Variants in PLCB4 observed in about 807,000 individuals in gnomAD.
PLCB4 encodes 1-phosphatidylinositol 4,5-bisphosphate phosphodiesterase beta-4.
A neutral mutation model predicts 178.8 loss-of-function variants in PLCB4; 77 were observed. That is an observed-to-expected ratio of 0.43 (90% CI 0.36 to 0.52). The LOEUF (loss-of-function observed/expected upper bound fraction) is 0.52. Among genes scored for constraint, PLCB4 ranks in the 20% least tolerant of loss-of-function variants. The pLI, the probability that PLCB4 is intolerant of heterozygous loss-of-function variation, is 0.00. For missense variants in PLCB4, 1,024 were observed against 1,453.4 expected, an observed-to-expected ratio of 0.70 and a Z score of 4.80; for synonymous variants, 496 against 490.8, an observed-to-expected ratio of 1.01 and a Z score of -0.14.
chr20:9,256,076 A>G lies in PLCB4; in HGVS notation c.-16+38624A>G, dbSNP rs143961147. Reference sequence around the variant, plus strand: ...GGAGAAAGTCATCTCTATTATGGTCAAGCATTAAAGTTCTCGTATACATAT... The same window carrying G: ...GGAGAAAGTCATCTCTATTATGGTCGAGCATTAAAGTTCTCGTATACATAT... On this transcript the variant is annotated intron_variant, in intron 3 of 39. Transcript: ENST00000378473. Among the ~76,000 whole-genome samples the G allele has an allele frequency of 1.1e-3, 164 of 152,310 alleles. 1 individual carries two copies. Among genetic ancestry groups the G allele is most frequent in the African/African-American group, 3.6e-3 (151 of 41,552 alleles).
intron 3 of PLCB4, among the ~76,000 whole-genome samples, chr20:9,224,339 A>G (rs1568977901): frequency 6.6e-6 from 1 of 152,092 alleles, no homozygotes; most frequent in Non-Finnish European, 1.5e-5. Flanking sequence ...GCTGGACTGG[A>G]CAGTCCTTAA....
chr20:9,315,733 G>GACCA (rs2094891225), intron 4 of PLCB4, among the ~76,000 whole-genome samples: 1 of 152,052 alleles, frequency 6.6e-6, no homozygotes, highest in Non-Finnish European at 1.5e-5. Context: ...AGGAGTTCGA[G>GACCA]ACCAGCCTGG....
intron 29 of PLCB4, among the ~76,000 whole-genome samples, chr20:9,436,465 C>T (rs897759123): frequency 1.3e-5 from 2 of 152,228 alleles, no homozygotes; most frequent in Non-Finnish European, 2.9e-5. Context: ...CATCCTTCCA[C>T]CTCAGCCTCC....
At chr20:9,438,604 A>G (rs1391300777) in intron 30 of PLCB4, among the ~76,000 whole-genome samples, 2 of 152,158 alleles carry the variant, frequency 1.3e-5, no homozygotes, top group East Asian at 1.9e-4. Context: ...ATATGCAATT[A>G]CCAAATCTAT....
At chr20:9,456,740 C>G (rs546538673) in intron 33 of PLCB4, among the ~76,000 whole-genome samples, 24 of 152,288 alleles carry the variant, frequency 1.6e-4, no homozygotes, top group Middle Eastern at 3.4e-3. Flanking sequence ...TAATGCTTCT[C>G]TCACAGGAAC....
At chr20:9,422,692 G>GT (rs1194445749) in intron 27 of PLCB4, among the ~76,000 whole-genome samples, 2 of 152,080 alleles carry the variant, frequency 1.3e-5, no homozygotes, top group East Asian at 1.9e-4. Context: ...AAGTTAAATC[G>GT]TTTTTTTCAT....
chr20:9,381,660 A>C (rs1012178313), intron 13 of PLCB4, among the ~76,000 whole-genome samples: 1 of 152,198 alleles, frequency 6.6e-6, no homozygotes, highest in African/African-American at 2.4e-5. Context: ...AAGTGATGGA[A>C]ATTTTAACGT....
intron 28 of PLCB4, among the ~76,000 whole-genome samples, chr20:9,428,288 G>T (rs1226863492): frequency 6.6e-6 from 1 of 152,150 alleles, no homozygotes; most frequent in Admixed American, 6.6e-5. Context: ...TATTCACAGT[G>T]ATATCTTTCT....
At chr20:9,246,284 A>G (rs2094124979) in intron 3 of PLCB4, among the ~76,000 whole-genome samples, 1 of 152,162 alleles carries the variant, frequency 6.6e-6, no homozygotes, top group Non-Finnish European at 1.5e-5. Context: ...ATCACCATTC[A>G]GTTTCTCCCT....
chr20:9,099,992 A>G (rs2091079515), intron 2 of PLCB4, among the ~76,000 whole-genome samples: 1 of 152,192 alleles, frequency 6.6e-6, no homozygotes, highest in Non-Finnish European at 1.5e-5. Context: ...GGTGGATAAA[A>G]GTGTCATTTC....
chr20:9,325,257 A>G (rs376029950), intron 4 of PLCB4, among the ~76,000 whole-genome samples: 6 of 152,262 alleles, frequency 3.9e-5, no homozygotes, highest in South Asian at 4.2e-4. Context: ...GTAAATATTT[A>G]TTAAGAATCC....
chr20:9,453,958 A>G (rs1195288623), intron 33 of PLCB4, among the ~76,000 whole-genome samples: 2 of 152,204 alleles, frequency 1.3e-5, no homozygotes, highest in African/African-American at 2.4e-5. Flanking sequence ...ACCAAGCCAC[A>G]GTGATTTTTC....
chr20:9,402,289 G>A (rs933294619), intron 20 of PLCB4, among the ~76,000 whole-genome samples: 8 of 152,196 alleles, frequency 5.3e-5, no homozygotes, highest in African/African-American at 1.2e-4. Context: ...AAACCAGAAC[G>A]CAAAGGGTCA....
chr20:9,250,730 A>G (rs2094171979), intron 3 of PLCB4, among the ~76,000 whole-genome samples: 1 of 152,218 alleles, frequency 6.6e-6, no homozygotes, highest in Admixed American at 6.5e-5. Context: ...TAATGAATCT[A>G]GATTACTTCA....
At chr20:9,315,974 A>G (rs1439891598) in intron 4 of PLCB4, among the ~76,000 whole-genome samples, 1 of 152,104 alleles carries the variant, frequency 6.6e-6, no homozygotes, top group Non-Finnish European at 1.5e-5. Context: ...CAGTTTGGCC[A>G]AGAACTAAGG....
intron 25 of PLCB4, among the ~76,000 whole-genome samples, chr20:9,413,675 A>G (rs894304644): frequency 6.6e-6 from 1 of 151,700 alleles, no homozygotes; most frequent in Admixed American, 6.6e-5. Context: ...AAAAAAAAAA[A>G]AAGTCCTGAC....
intron 7 of PLCB4, among the ~76,000 whole-genome samples, chr20:9,356,352 T>C (rs2034821026): frequency 6.6e-6 from 1 of 152,188 alleles, no homozygotes; most frequent in Non-Finnish European, 1.5e-5. Context: ...AGAGGAAACA[T>C]GTTGGTGGTG....
chr20:9,201,983 G>GT (rs1276519364), intron 2 of PLCB4, among the ~76,000 whole-genome samples: 1 of 152,108 alleles, frequency 6.6e-6, no homozygotes, highest in Non-Finnish European at 1.5e-5. Context: ...GACAATCCAG[G>GT]TATCTCTCAA....
chr20:9,466,065 T>C (rs2043761920), intron 35 of PLCB4, among the ~76,000 whole-genome samples: 1 of 152,226 alleles, frequency 6.6e-6, no homozygotes, highest in Non-Finnish European at 1.5e-5. Context: ...CAAACCAGCA[T>C]GGTACTAGTA....
Sources: gnomAD v4.1 joint callset for allele counts (sites outside exome capture counted in the v4.1 genomes callset) on GRCh38, gnomAD v4.1.1 for gene constraint, MANE v1.5 for transcripts, NCBI Gene and HGNC (gene_info 2026-07-23, HGNC 2026-07-21) for gene names.